Variants in UCK2 observed in about 807,000 individuals in gnomAD.
UCK2 encodes the protein cytidine monophosphokinase 2.
A neutral mutation model predicts 30.8 loss-of-function variants in UCK2; 6 were observed. That is an observed-to-expected ratio of 0.19 (90% CI 0.11 to 0.38). UCK2 has a LOEUF of 0.38. Among genes scored for constraint, UCK2 ranks in the 10% least tolerant of loss-of-function variants. UCK2 has a pLI of 1.00. For synonymous variants in UCK2, 125 were observed against 133.6 expected, an observed-to-expected ratio of 0.94 and a Z score of 0.45; for missense variants, 210 against 339.8, an observed-to-expected ratio of 0.62 and a Z score of 3.00.
intron 4 of UCK2, chr1:165,902,507 T>C (rs1647510985): frequency 6.7e-6 from 1 of 149,912 alleles, no homozygotes. Context: ...AGACAGAAGA[T>C]GGTGAGTTTG....
intron 1 of UCK2, among the ~76,000 whole-genome samples, chr1:165,855,276 A>G (rs1023372715): frequency 6.6e-6 from 1 of 152,188 alleles, no homozygotes; most frequent in Non-Finnish European, 1.5e-5. Context: ...GGCTTTCTTA[A>G]TTCATTCCAC....
At chr1:165,871,718 CAG>C (rs754950846) in intron 1 of UCK2, among the ~76,000 whole-genome samples, 4 of 151,606 alleles carry the variant, frequency 2.6e-5, no homozygotes, top group Non-Finnish European at 4.4e-5. Context: ...GAGAAGATAA[CAG>C]AGGGAAGTTA....
chr1:165,874,630 A>G (rs1411185108), intron 1 of UCK2, among the ~76,000 whole-genome samples: 1 of 151,526 alleles, frequency 6.6e-6, no homozygotes, highest in Non-Finnish European at 1.5e-5. Flanking sequence ...CCAAACCAAC[A>G]CTCTTCTCAT....
chr1:165,852,719 C>A (rs1654628416), intron 1 of UCK2, among the ~76,000 whole-genome samples: 1 of 152,232 alleles, frequency 6.6e-6, no homozygotes, highest in East Asian at 1.9e-4. Context: ...CTTAGCATTT[C>A]ATCTATCCTT....
intron 1 of UCK2, among the ~76,000 whole-genome samples, 176 bp downstream of exon 1, chr1:165,828,108 G>C (rs1189688899): frequency 2.6e-5 from 4 of 151,202 alleles, no homozygotes; most frequent in Non-Finnish European, 1.5e-5. Flanking sequence ...CGCTGCGGCG[G>C]GGGCAGGCGA....
rs967789451 is a variant in UCK2 at position 165,909,049 on chromosome 1, G to A, written c.*1226G>A. 1 of 152,228 alleles carries A rather than the reference G, an allele frequency of 6.6e-6. No homozygotes were observed. The highest frequency in any genetic ancestry group is 1.5e-5 in the Non-Finnish European group (1 of 68,038). The allele number at this position is 152,228 out of a possible 1,614,324, so 9.4% of individuals were successfully genotyped here. A position where few individuals can be genotyped will look rare whatever the true frequency, so the allele number is the denominator to read the frequency against. ...AACTGCAGAGCATAAAAGGGGCTCG[G>A]AAAAGCAGTTTTTACAAAGTATTTA... On this transcript the variant is annotated 3_prime_UTR_variant, in exon 7 of 7. Transcript: ENST00000367879.
Position 165,827,756 on chromosome 1 carries a change from G to A in UCK2, c.-78G>A. ...GCGCCCAGCGGCGGCTGCGGAAAGC[G>A]GAGGGAGTCCGACGCGGGCGCGGGC... On this transcript the variant is annotated 5_prime_UTR_variant, in exon 1 of 7. Coordinates refer to ENST00000367879, the MANE Select transcript of UCK2 (RefSeq NM_012474.5). The A allele has an allele frequency of 2.4e-6, 3 of 1,231,270 alleles. No individual in the cohort carries two copies. The highest frequency in any genetic ancestry group is 3.1e-6 in the Non-Finnish European group (3 of 964,988). 76.3% of individuals were successfully genotyped at this position (1,231,270 alleles called of 1,614,324 possible).
intron 1 of UCK2, among the ~76,000 whole-genome samples, chr1:165,839,340 G>T (rs1054321749): frequency 6.6e-5 from 10 of 152,184 alleles, no homozygotes; most frequent in African/African-American, 2.4e-4. Context: ...AGCTGAGCGA[G>T]CCCTCCTTGT....
At chr1:165,851,723 C>T (rs1433320516) in intron 1 of UCK2, among the ~76,000 whole-genome samples, 2 of 152,024 alleles carry the variant, frequency 1.3e-5, no homozygotes, top group African/African-American at 4.8e-5. Context: ...CACCTATTGA[C>T]TCGTCCTCTA....
intron 1 of UCK2, among the ~76,000 whole-genome samples, chr1:165,865,594 C>T (rs1185815074): frequency 2.6e-5 from 4 of 151,966 alleles, no homozygotes; most frequent in Non-Finnish European, 1.5e-5. Context: ...TATTATATTG[C>T]CTTTTTAAAC....
chr1:165,835,169 T>TGACTA (rs1406586775), intron 1 of UCK2, among the ~76,000 whole-genome samples: 3 of 152,148 alleles, frequency 2.0e-5, no homozygotes, highest in Non-Finnish European at 4.4e-5. Flanking sequence ...CGCAGGCTTC[T>TGACTA]AGTCTCCTAG....
chr1:165,878,978 T>G (rs1254579710), intron 1 of UCK2, among the ~76,000 whole-genome samples: 1 of 152,216 alleles, frequency 6.6e-6, no homozygotes, highest in Non-Finnish European at 1.5e-5. Flanking sequence ...TGTTAGCACT[T>G]GGTGTTGTCA....
chr1:165,906,240 A>G (rs1647656041), intron 6 of UCK2, among the ~76,000 whole-genome samples: 1 of 152,240 alleles, frequency 6.6e-6, no homozygotes, highest in African/African-American at 2.4e-5. Context: ...TCACTTCCCA[A>G]TGATGACACT....
At chr1:165,898,077 G>T (rs1055023347) in intron 4 of UCK2, 2 of 152,166 alleles carry the variant, frequency 1.3e-5, no homozygotes, top group Non-Finnish European at 2.9e-5. Flanking sequence ...TTCTGCCCCA[G>T]GGCCTGGCTT....
intron 1 of UCK2, among the ~76,000 whole-genome samples, chr1:165,857,508 G>A (rs946542): frequency 0.89 from 135,820 of 152,148 alleles, 62,359 homozygotes; most frequent in Non-Finnish European, 0.99. Context: ...GTAGGGAGTT[G>A]GAGGAGGCAG....
At chr1:165,894,245 G>A (rs1024585734) in intron 3 of UCK2, 6 of 152,216 alleles carry the variant, frequency 3.9e-5, no homozygotes, top group Non-Finnish European at 7.3e-5. Flanking sequence ...CAGCCATTGT[G>A]TTCTCTGTTA....
intron 1 of UCK2, among the ~76,000 whole-genome samples, chr1:165,866,024 A>G (rs1408210223): frequency 6.6e-6 from 1 of 152,148 alleles, no homozygotes; most frequent in East Asian, 1.9e-4. Flanking sequence ...TGGGCTAGGT[A>G]GTACGGGGAA....
chr1:165,897,733 C>T (rs950124979), intron 4 of UCK2, among the ~76,000 whole-genome samples: 4 of 152,196 alleles, frequency 2.6e-5, no homozygotes, highest in Admixed American at 6.5e-5. Flanking sequence ...CCAGTAGAAC[C>T]TACAGAAACA....
chr1:165,832,490 T>G (rs1342019815), intron 1 of UCK2, among the ~76,000 whole-genome samples: 1 of 152,236 alleles, frequency 6.6e-6, no homozygotes, highest in African/African-American at 2.4e-5. Context: ...TTAAAGCATT[T>G]GATTATCTAT....
Sources: gnomAD v4.1 joint callset for allele counts (sites outside exome capture counted in the v4.1 genomes callset) on GRCh38, gnomAD v4.1.1 for gene constraint, MANE v1.5 for transcripts, NCBI Gene and HGNC (gene_info 2026-07-23, HGNC 2026-07-21) for gene names.